Variants in PHF2 observed in about 807,000 individuals in gnomAD.
The protein encoded by PHF2 is lysine-specific demethylase PHF2.
Under a neutral mutation model 120.5 loss-of-function variants are expected in PHF2, and 27 were observed. That is an observed-to-expected ratio of 0.22 (90% CI 0.17 to 0.31). PHF2 has a LOEUF of 0.31. PHF2 is among the 10% of genes least tolerant of loss of function. The pLI is 1.00. For missense variants in PHF2, 1,024 were observed against 1,434.8 expected (o/e 0.71, Z 4.63); for synonymous variants, 568 against 592.5 (o/e 0.96, Z 0.60).
At position 93,677,743 on chromosome 9, in the gene PHF2, C is replaced by T. The variant is rs1286787722; in HGVS notation, c.*67C>T. On this transcript the variant is annotated 3_prime_UTR_variant, in exon 22 of 22. Transcript: ENST00000359246. The surrounding 1 kb of genome is among the most constrained non-coding windows in gnomAD (Gnocchi z 4.4). The stretch of plus-strand genomic sequence containing the variant: ...CGGAGCCCCGCGAAAACATCTGCCT[C>T]CCAGGAGGGTGCCGAGCTGCCTCAC... 2 of 1,242,076 alleles carry T rather than the reference C, an allele frequency of 1.6e-6. No homozygotes were observed. The highest frequency in any genetic ancestry group is 1.9e-4 in the Middle Eastern group (1 of 5,204). 76.9% of individuals were successfully genotyped at this position (1,242,076 alleles called of 1,614,324 possible). A position where few individuals can be genotyped will look rare whatever the true frequency, so the allele number is the denominator to read the frequency against.
At chr9:93,604,154 C>G (rs1392286513) in intron 1 of PHF2, among the ~76,000 whole-genome samples, 1 of 152,038 alleles carries the variant, frequency 6.6e-6, no homozygotes, top group East Asian at 1.9e-4. Flanking sequence ...ATGGGAAAAA[C>G]AGGTTGATGT....
At chr9:93,616,853 T>C (rs1825737661) in intron 1 of PHF2, among the ~76,000 whole-genome samples, 1 of 151,994 alleles carries the variant, frequency 6.6e-6, no homozygotes, top group Admixed American at 6.6e-5. Flanking sequence ...ACGGGGTTTC[T>C]CCATGTTGGC....
chr9:93,660,143 C>G, intron 11 of PHF2, 49 bp from the exon 12 acceptor site: 1 of 1,485,450 alleles, frequency 6.7e-7, no homozygotes, highest in Non-Finnish European at 8.9e-7. Context: ...CCGTCTTGGG[C>G]CACAGTTTGG....
intron 17 of PHF2, among the ~76,000 whole-genome samples, chr9:93,672,990 G>A (rs1482597920): frequency 6.6e-6 from 1 of 151,804 alleles, no homozygotes; most frequent in Non-Finnish European, 1.5e-5. Flanking sequence ...GCATGTATGG[G>A]TGTAGGTGCA....
At chr9:93,587,756 G>A (rs1376758076) in intron 1 of PHF2, among the ~76,000 whole-genome samples, 1 of 152,112 alleles carries the variant, frequency 6.6e-6, no homozygotes, top group Non-Finnish European at 1.5e-5. Context: ...GGTTCTCATG[G>A]GACAGTGTTG....
Position 93,581,108 on chromosome 9 carries a change from C to T in PHF2, c.98+4237C>T, listed in dbSNP as rs576687687. ...TGGCTCCCTCCAATTCCTCTGTGTC[C>T]GTCTGTCTGTCTGGGCTCAGCCTGC... On this transcript the variant is annotated intron_variant, in intron 1 of 21. Transcript: ENST00000359246. Among the ~76,000 whole-genome samples the T allele has an allele frequency of 8.1e-4, 123 of 152,196 alleles. No individual in the cohort carries two copies. The Middle Eastern group carries it at 0.017, about 21-fold the overall frequency.
intron 12 of PHF2, among the ~76,000 whole-genome samples, chr9:93,662,458 GATAA>G (rs1265647350): frequency 7.2e-5 from 11 of 151,784 alleles, no homozygotes; most frequent in South Asian, 4.2e-4. Context: ...TGGGTAGATG[GATAA>G]ATAAATGGAT....
intron 3 of PHF2, among the ~76,000 whole-genome samples, chr9:93,637,864 C>T (rs1488208189): frequency 3.3e-5 from 5 of 152,224 alleles, no homozygotes; most frequent in Admixed American, 6.5e-5. Flanking sequence ...GTCAGACTGT[C>T]TTCCAAAGCA....
At chr9:93,651,836 C>T (rs116592052) in intron 5 of PHF2, among the ~76,000 whole-genome samples, 2,330 of 152,264 alleles carry the variant, frequency 0.015, 65 homozygotes, top group African/African-American at 0.053. Context: ...TGGTGGGAGG[C>T]AGGGACAGCC....
intron 1 of PHF2, among the ~76,000 whole-genome samples, chr9:93,614,422 G>A (rs1306034444): frequency 6.6e-6 from 1 of 152,176 alleles, no homozygotes; most frequent in African/African-American, 2.4e-5. Flanking sequence ...GCTAGCTTCT[G>A]TTCCCTCTGG....
rs913574094 is a variant in PHF2, at chr9:93,675,612, C to T, written c.2723-68C>T. ...ACAGGCTGGGGTGGGGGCAGGGTAG[C>T]CCCAAACCAGGAGGGGTGGACAGGC... On this transcript the variant is annotated intron_variant, in intron 19 of 21. Coordinates refer to ENST00000359246, the MANE Select transcript of PHF2 (RefSeq NM_005392.4). The T allele has an allele frequency of 2.7e-5, 35 of 1,274,392 alleles. No individual in the cohort carries two copies. The Middle Eastern group carries it at 5.9e-4, about 21-fold the overall frequency. 78.9% of individuals were successfully genotyped at this position (1,274,392 alleles called of 1,614,324 possible).
intron 1 of PHF2, among the ~76,000 whole-genome samples, chr9:93,602,247 C>CTTTT (rs67001312): frequency 0.25 from 19,551 of 78,930 alleles, 4,284 homozygotes; most frequent in Non-Finnish European, 0.32. Context: ...CCTAGAGATT[C>CTTTT]TTTTTTTTTT....
intron 1 of PHF2, among the ~76,000 whole-genome samples, chr9:93,611,659 T>G (rs574509415): frequency 1.2e-3 from 179 of 152,214 alleles, no homozygotes; most frequent in African/African-American, 4.1e-3. Context: ...TACAGGTGTA[T>G]GCTACTATGC....
intron 1 of PHF2, among the ~76,000 whole-genome samples, chr9:93,587,582 G>C (rs1428225282): frequency 6.6e-6 from 1 of 151,304 alleles, no homozygotes; most frequent in East Asian, 1.9e-4. Flanking sequence ...CTGGGTGAGA[G>C]ATGATGGAGG....
At chr9:93,658,082 TG>T in intron 9 of PHF2, 62 bp from the exon 10 acceptor site, 1 of 1,160,014 alleles carries the variant, frequency 8.6e-7, no homozygotes, top group Non-Finnish European at 1.3e-6. Context: ...GCTATGTGGC[TG>T]GGCATGAAGG....
At chr9:93,650,747 C>T (rs982184517) in intron 5 of PHF2, among the ~76,000 whole-genome samples, 2 of 152,214 alleles carry the variant, frequency 1.3e-5, no homozygotes, top group African/African-American at 2.4e-5. Flanking sequence ...CGCTCCATCA[C>T]ATCACCTCTG....
chr9:93,582,340 G>A (rs1041871493), intron 1 of PHF2, among the ~76,000 whole-genome samples: 10 of 152,166 alleles, frequency 6.6e-5, no homozygotes, highest in Non-Finnish European at 1.5e-5. Flanking sequence ...TAACACGGAC[G>A]GAAATGTAGT....
intron 1 of PHF2, among the ~76,000 whole-genome samples, chr9:93,586,106 C>T (rs532082027): frequency 6.6e-6 from 1 of 152,364 alleles, no homozygotes; most frequent in African/African-American, 2.4e-5. Context: ...GTCTTCTGCA[C>T]ATTGCCTGGA....
chr9:93,658,173 C>A lies in PHF2; in HGVS notation c.1176C>A (p.Pro392=), dbSNP rs762174166. ...KGSHKSGKQL[P]PHLVQGAKIL... ...CTCACAAATCTGGGAAGCAGCTGCC[C>A]CCTCATCTAGTCCAAGGAGCTAAAA... The change falls in exon 10 of 22, where the codon CCC becomes CCA. Residue 392 remains proline (P), a synonymous_variant. Transcript: ENST00000359246. 10 of 1,613,288 alleles carry A rather than the reference C, an allele frequency of 6.2e-6. No homozygotes were observed. The East Asian group carries it at 2.0e-4, about 32-fold the overall frequency.
Sources: gnomAD v4.1 joint callset for allele counts (sites outside exome capture counted in the v4.1 genomes callset) on GRCh38, gnomAD v4.1.1 for gene constraint, Gnocchi (gnomAD v3.1) non-coding constraint, MANE v1.5 for transcripts, NCBI Gene and HGNC (gene_info 2026-07-23, HGNC 2026-07-21) for gene names.